Variants in NTRK2 observed in about 807,000 individuals in gnomAD.
NTRK2 encodes BDNF/NT-3 growth factors receptor.
A neutral mutation model predicts 94.5 loss-of-function variants in NTRK2; 13 were observed. That is an observed-to-expected ratio of 0.14 (90% confidence interval 0.09 to 0.22). The LOEUF (loss-of-function observed/expected upper bound fraction) is 0.22. Ranked by LOEUF, NTRK2 falls within the 10% of genes least tolerant of loss-of-function variation. The pLI is 1.00. For missense variants in NTRK2, 639 were observed against 1,071.2 expected (o/e 0.60, Z 5.63); for synonymous variants, 372 against 407.4 (o/e 0.91, Z 1.05).
chr9:84,837,392 A>C (rs2073939932), intron 12 of NTRK2, among the ~76,000 whole-genome samples: 1 of 152,164 alleles, frequency 6.6e-6, no homozygotes, highest in Non-Finnish European at 1.5e-5. Context: ...TGGCCAGGTA[A>C]ACTTACACTA....
chr9:84,935,967 G>A (rs2078201577), intron 15 of NTRK2, among the ~76,000 whole-genome samples: 1 of 152,020 alleles, frequency 6.6e-6, no homozygotes, highest in Admixed American at 6.6e-5. Flanking sequence ...TCTAATCCTA[G>A]GCTAGCCATG....
rs71369154 is a variant in NTRK2 at position 84,864,736 on chromosome 9, CTTTTTTTT to C, written c.1445-2492_1445-2485del. ...CCTTAGCATAACACATCTTAATTTT[CTTTTTTTT>C]TTTTTTTTTTTTTTGAAACTGAGTC... On this transcript the variant is annotated intron_variant, in intron 13 of 18. Coordinates refer to ENST00000277120, the MANE Select transcript of NTRK2 (RefSeq NM_006180.6). Among the ~76,000 whole-genome samples, 556 of 104,622 alleles carry C rather than the reference CTTTTTTTT, an allele frequency of 5.3e-3. 5 individuals are homozygous for C. Among genetic ancestry groups the C allele is most frequent in the Admixed American group, 0.022 (183 of 8,220 alleles). 68.6% of individuals were successfully genotyped at this position (104,622 alleles called of 152,430 possible).
At chr9:84,735,745 AC>A (rs2063213900) in intron 9 of NTRK2, among the ~76,000 whole-genome samples, 1 of 152,228 alleles carries the variant, frequency 6.6e-6, no homozygotes, top group African/African-American at 2.4e-5. Context: ...TATTTAGCTT[AC>A]CAGCCAAAAA....
At chr9:84,995,845 A>G (rs1254734739) in intron 17 of NTRK2, among the ~76,000 whole-genome samples, 5 of 152,234 alleles carry the variant, frequency 3.3e-5, no homozygotes, top group Admixed American at 3.3e-4. Context: ...TTTTAATTCA[A>G]TAGATGACAT....
chr9:84,797,772 A>AC (rs1452350334), intron 12 of NTRK2, among the ~76,000 whole-genome samples: 7 of 15,746 alleles, frequency 4.4e-4, no homozygotes, highest in African/African-American at 1.1e-3. Flanking sequence ...ATAATAATAT[A>AC]TATAATATAT....
chr9:84,781,937 T>C (rs1354660941), intron 12 of NTRK2, among the ~76,000 whole-genome samples: 1 of 152,134 alleles, frequency 6.6e-6, no homozygotes, highest in East Asian at 1.9e-4. Flanking sequence ...TAACGATTTT[T>C]TAATGGAGGA....
At chr9:84,848,488 G>A (rs750373866) in intron 12 of NTRK2, among the ~76,000 whole-genome samples, 54 of 152,202 alleles carry the variant, frequency 3.5e-4, no homozygotes, top group Middle Eastern at 3.4e-3. Context: ...ATGAATTTAG[G>A]GACCAAGAAG....
chr9:84,726,655 A>AT (rs1426262019), intron 8 of NTRK2, among the ~76,000 whole-genome samples: 2 of 152,224 alleles, frequency 1.3e-5, no homozygotes, highest in Non-Finnish European at 2.9e-5. Context: ...GGGCCACTGT[A>AT]TTAAACATCA....
At chr9:84,707,990 T>A in intron 5 of NTRK2, 78 bp downstream of exon 5, 1 of 1,131,178 alleles carries the variant, frequency 8.8e-7, no homozygotes, top group Non-Finnish European at 1.3e-6. Flanking sequence ...TTTTAATGAG[T>A]GATGTTGCAG....
chr9:84,906,510 G>T (rs942288586), intron 14 of NTRK2, among the ~76,000 whole-genome samples: 1 of 152,218 alleles, frequency 6.6e-6, no homozygotes, highest in African/African-American at 2.4e-5. Context: ...AGGCCCCCAT[G>T]CAGTCAGTTT....
intron 16 of NTRK2, among the ~76,000 whole-genome samples, chr9:84,952,739 A>C (rs993279736): frequency 4.6e-5 from 7 of 152,170 alleles, no homozygotes; most frequent in African/African-American, 1.4e-4. Flanking sequence ...AAAATCCAGG[A>C]GTCTCCCCCA....
intron 12 of NTRK2, among the ~76,000 whole-genome samples, chr9:84,755,720 C>T (rs939631189): frequency 1.3e-5 from 2 of 151,958 alleles, no homozygotes; most frequent in African/African-American, 2.4e-5. Flanking sequence ...ATTTCTACCT[C>T]CCTACCTTTG....
chr9:84,827,057 A>T (rs1012863461), intron 12 of NTRK2, among the ~76,000 whole-genome samples: 2 of 152,096 alleles, frequency 1.3e-5, no homozygotes, highest in African/African-American at 4.8e-5. Flanking sequence ...GGAAGCTCCT[A>T]TTTTAGACTA....
At chr9:84,825,230 A>G (rs1291927741) in intron 12 of NTRK2, among the ~76,000 whole-genome samples, 1 of 151,948 alleles carries the variant, frequency 6.6e-6, no homozygotes, top group African/African-American at 2.4e-5. Flanking sequence ...GCCCTTTGTA[A>G]TTGAGAGGGC....
chr9:84,960,090 T>G (rs930663225), intron 17 of NTRK2, among the ~76,000 whole-genome samples: 34 of 152,202 alleles, frequency 2.2e-4, no homozygotes, highest in African/African-American at 8.2e-4. Flanking sequence ...GCAAAGTGAT[T>G]TATAGTAGAC....
At chr9:84,995,178 T>C (rs1179702711) in intron 17 of NTRK2, among the ~76,000 whole-genome samples, 1 of 152,190 alleles carries the variant, frequency 6.6e-6, no homozygotes, top group African/African-American at 2.4e-5. Flanking sequence ...TACTGAGACA[T>C]ATCCAGTCCT....
At chr9:84,743,544 T>A (rs1023996398) in intron 10 of NTRK2, among the ~76,000 whole-genome samples, 2 of 152,324 alleles carry the variant, frequency 1.3e-5, no homozygotes, top group Middle Eastern at 3.4e-3. Context: ...TGTTTGTATT[T>A]GTCTTGATAT....
At chr9:84,995,762 C>A (rs537965878) in intron 17 of NTRK2, among the ~76,000 whole-genome samples, 10 of 152,304 alleles carry the variant, frequency 6.6e-5, no homozygotes, top group Non-Finnish European at 1.5e-4. Flanking sequence ...GACATACCAC[C>A]TTTATCTAGA....
chr9:84,941,962 G>A (rs1255971125), intron 15 of NTRK2, among the ~76,000 whole-genome samples: 1 of 152,204 alleles, frequency 6.6e-6, no homozygotes, highest in South Asian at 2.1e-4. Flanking sequence ...GGAAGAGCCA[G>A]TATGGCTGAG....
Sources: allele counts gnomAD v4.1 joint callset (sites outside exome capture counted in the v4.1 genomes callset), GRCh38; gene constraint gnomAD v4.1.1; transcripts MANE v1.5; gene names NCBI Gene and HGNC (gene_info 2026-07-23, HGNC 2026-07-21).